Variants in ZNF280C observed in about 807,000 individuals in gnomAD.
ZNF280C encodes the protein suppressor of hairy wing homolog 3.
In ZNF280C, 14 loss-of-function variants were observed where a neutral mutation model predicts 53.6. The observed-to-expected ratio is 0.26, with a 90% CI of 0.17 to 0.41. The LOEUF (loss-of-function observed/expected upper bound fraction) is 0.41, where lower values mean the gene tolerates loss of function less well. ZNF280C is among the 10% of genes least tolerant of loss of function. The pLI is 1.00. For missense variants in ZNF280C, 416 were observed against 547.1 expected (o/e 0.76, Z 2.39); for synonymous variants, 203 against 181.1 (o/e 1.12, Z -0.97).
chrX:130,263,647 A>G (rs1330228038), intron 1 of ZNF280C, among the ~76,000 whole-genome samples: 1 of 111,863 alleles, frequency 8.9e-6, no homozygotes, highest in Non-Finnish European at 1.9e-5. Flanking sequence ...TAGCTGCACA[A>G]CTGTGAATAT....
chrX:130,251,382 TAAG>T (rs756886555), intron 2 of ZNF280C, among the ~76,000 whole-genome samples: 1 of 106,222 alleles, frequency 9.4e-6, no homozygotes, highest in African/African-American at 3.5e-5. Flanking sequence ...AAACGAGACT[TAAG>T]AAGGAGGACA....
Position 130,224,097 on chromosome X carries a change from C to T in ZNF280C, c.1395+2662G>A, listed in dbSNP as rs748449816. 9.9e-4 allele frequency among the ~76,000 whole-genome samples: 111 copies of T among 111,779 alleles called. 1 individual carries two copies. The highest frequency in any genetic ancestry group is 7.1e-3 in the South Asian group (19 of 2,665). On this transcript the variant is annotated intron_variant, in intron 12 of 18. Coordinates refer to ENST00000370978, the MANE Select transcript of ZNF280C (RefSeq NM_017666.5). ...CCCCTCCGCCCCCCAATTCATATGG[C>T]GAAATCCTAATTTTCAATGTAATAG...
At chrX:130,260,824 A>C (rs1479927578) in intron 1 of ZNF280C, among the ~76,000 whole-genome samples, 2 of 111,854 alleles carry the variant, frequency 1.8e-5, no homozygotes, top group Non-Finnish European at 3.8e-5. Context: ...TTAAACATTT[A>C]CTACTTGAAA....
chrX:130,262,069 A>T (rs2032635524), intron 1 of ZNF280C, among the ~76,000 whole-genome samples: 1 of 112,065 alleles, frequency 8.9e-6, no homozygotes, highest in Non-Finnish European at 1.9e-5. Flanking sequence ...TATATAAACA[A>T]GTCATATTTA....
At chrX:130,239,447 G>A (rs2032366128) in intron 6 of ZNF280C, 135 bp downstream of exon 6, 1 of 379,341 alleles carries the variant, frequency 2.6e-6, no homozygotes, top group Non-Finnish European at 4.7e-6. Context: ...ATTCAGGAAT[G>A]ATTAGCTCTA....
At chrX:130,260,564 A>C in intron 1 of ZNF280C, 99 bp from the exon 2 acceptor site, 1 of 584,428 alleles carries the variant, frequency 1.7e-6, no homozygotes, top group Non-Finnish European at 2.6e-6. Flanking sequence ...TTTGGGTCTA[A>C]TTTTGATCTC....
At chrX:130,209,307 T>C (rs1430146695) in intron 16 of ZNF280C, among the ~76,000 whole-genome samples, 1 of 112,594 alleles carries the variant, frequency 8.9e-6, no homozygotes, top group Non-Finnish European at 1.9e-5. Flanking sequence ...CATCAATTTT[T>C]TTTCTGTACA....
At chrX:130,214,829 A>T (rs1462072764) in intron 15 of ZNF280C, among the ~76,000 whole-genome samples, 1 of 112,128 alleles carries the variant, frequency 8.9e-6, no homozygotes, top group Non-Finnish European at 1.9e-5. Flanking sequence ...GAATCCACAG[A>T]TGTGGAATGC....
intron 2 of ZNF280C, among the ~76,000 whole-genome samples, chrX:130,252,603 C>T (rs1041061381): frequency 1.8e-5 from 2 of 110,106 alleles, no homozygotes; most frequent in African/African-American, 6.6e-5. Flanking sequence ...GTCTGCAGTC[C>T]CAGCTACTTG....
At chrX:130,212,883 T>TA (rs951718407) in intron 15 of ZNF280C, among the ~76,000 whole-genome samples, 3 of 111,079 alleles carry the variant, frequency 2.7e-5, no homozygotes, top group African/African-American at 9.8e-5. Flanking sequence ...AGGGTTAACT[T>TA]AAAAAAAGTG....
At chrX:130,209,518 G>C (rs2035015991) in intron 16 of ZNF280C, 135 bp downstream of exon 16, 1 of 528,604 alleles carries the variant, frequency 1.9e-6, no homozygotes, top group Non-Finnish European at 3.2e-6. Context: ...AGAGATGATA[G>C]GCTATCCCTC....
intron 13 of ZNF280C, among the ~76,000 whole-genome samples, chrX:130,217,148 T>C (rs988877515): frequency 2.7e-5 from 3 of 112,138 alleles, no homozygotes; most frequent in Non-Finnish European, 5.6e-5. Context: ...CACAAAAACC[T>C]GTACATGAAT....
chrX:130,241,611 C>G (rs141996687), intron 5 of ZNF280C, among the ~76,000 whole-genome samples: 5,015 of 111,052 alleles, frequency 0.045, 127 homozygotes, highest in Middle Eastern at 0.091. Context: ...AAATTAAAAG[C>G]CAAATTAGCT....
rs2031934617 is a variant in ZNF280C at position 130,203,370 on chromosome X, G to T, written c.*1607C>A. 2 of 111,667 alleles carry T rather than the reference G, an allele frequency of 1.8e-5. No homozygotes were observed. Among genetic ancestry groups the T allele is most frequent in the Admixed American group, 1.9e-4 (2 of 10,529 alleles). The allele number at this position is 111,667 out of a possible 1,213,427, so 9.2% of individuals were successfully genotyped here. A position where few individuals can be genotyped will look rare whatever the true frequency, so the allele number is the denominator to read the frequency against. ...TTAAAAAAAAAGTTTAAAAATGTGA[G>T]TATCGGTCGGGTGCAGTGGCTCACA... On this transcript the variant is annotated 3_prime_UTR_variant, in exon 19 of 19. Transcript: ENST00000370978.
At chrX:130,221,373 C>CTACCTA (rs749585423) in intron 12 of ZNF280C, among the ~76,000 whole-genome samples, 2 of 111,273 alleles carry the variant, frequency 1.8e-5, no homozygotes, top group Non-Finnish European at 3.8e-5. Flanking sequence ...ATTTTTTTCT[C>CTACCTA]TACCTATACC....
At chrX:130,247,518 A>T (rs1472688014) in intron 2 of ZNF280C, among the ~76,000 whole-genome samples, 1 of 111,590 alleles carries the variant, frequency 9.0e-6, no homozygotes, top group African/African-American at 3.3e-5. Context: ...TAATCAGTAC[A>T]TGGTAGCAAA....
chrX:130,236,478 G>A lies in ZNF280C; in HGVS notation c.655C>T (p.Leu219=). 1 of 1,193,752 alleles carries A rather than the reference G, an allele frequency of 8.4e-7. No individual in the cohort carries two copies. The highest frequency in any genetic ancestry group is 1.1e-6 in the Non-Finnish European group (1 of 888,038). ...SPPVTSSQVM[L]SKGTNTSSPY... ...CAGATTTCATGTTTACCTTTTGACA[G>A]CATAACTTGGGAGGATGTCACTGGA... The change falls in exon 7 of 19, where the codon CTG becomes TTG. Residue 219 remains leucine (L), a synonymous_variant. Transcript: ENST00000370978.
chrX:130,264,143 C>G (rs1442755467), intron 1 of ZNF280C, among the ~76,000 whole-genome samples: 2 of 110,049 alleles, frequency 1.8e-5, no homozygotes. Flanking sequence ...AAGAACCTAA[C>G]AAAGATAGCA....
At position 130,230,668 on chromosome X, in the gene ZNF280C, T is replaced by C. The variant is rs2032267246; in HGVS notation, c.831A>G (p.Pro277=). The C allele has an allele frequency of 2.5e-6, 3 of 1,209,388 alleles. No individual in the cohort carries two copies. The highest frequency in any genetic ancestry group is 3.5e-5 in the African/African-American group (2 of 57,686). Residue 277 remains proline (P), a synonymous_variant, in exon 9 of 19, where the codon CCA becomes CCG. Coordinates refer to ENST00000370978, the MANE Select transcript of ZNF280C (RefSeq NM_017666.5). ...FLGVIVKSER[P]CDEDKTDSET... The stretch of plus-strand genomic sequence containing the variant: ...CTGAATCAGTCTTGTCTTCATCACA[T>C]GGACGTTCTGATTTAACAATTACTC...
Sources: gnomAD v4.1 joint callset for allele counts (sites outside exome capture counted in the v4.1 genomes callset) on GRCh38, gnomAD v4.1.1 for gene constraint, MANE v1.5 for transcripts, NCBI Gene and HGNC (gene_info 2026-07-23, HGNC 2026-07-21) for gene names.